The following SAP130 variants were observed in gnomAD, a reference collection of about 807,000 sequenced individuals.
SAP130 encodes Sin3A associated protein 130, also known as histone deacetylase complex subunit SAP130.
SAP130 carries 16 observed loss-of-function variants against 103.2 expected under a neutral mutation model. The observed-to-expected ratio is 0.16, with a 90% CI of 0.10 to 0.24. SAP130 has a LOEUF of 0.24. SAP130 is among the 10% of genes least tolerant of loss of function. SAP130 has a pLI of 1.00. For missense variants in SAP130, 990 were observed against 1,359.7 expected (o/e 0.73, Z 4.28); for synonymous variants, 477 against 497.0 (o/e 0.96, Z 0.53).
intron 14 of SAP130, among the ~76,000 whole-genome samples, chr2:127,978,657 G>C (rs1681645801): frequency 6.6e-6 from 1 of 152,180 alleles, no homozygotes; most frequent in East Asian, 1.9e-4. Context: ...CCAGTTGAGA[G>C]TGGATCTGAG....
At chr2:127,975,724 G>A (rs1681413887) in intron 15 of SAP130, among the ~76,000 whole-genome samples, 1 of 152,188 alleles carries the variant, frequency 6.6e-6, no homozygotes, top group South Asian at 2.1e-4. Context: ...TCAGCTAACT[G>A]CCATCACACA....
rs758860886 is a variant in SAP130, at chr2:127,955,193, C to T, written c.2215G>A (p.Ala739Thr). The change falls in exon 16 of 21, where the codon GCA becomes ACA. Residue 739 changes from alanine (A) to threonine (T), a missense_variant. Transcript: ENST00000643581. This position sits in a 1 kb window ranked among gnomAD's most constrained non-coding sequence, Gnocchi z 4.9. Reference sequence around the variant, plus strand: ...GCTGGTTGTGACGGGGGACTGGCTGCTGCAATCATAGTTGGAATGGTCGGT... The same window carrying T: ...GCTGGTTGTGACGGGGGACTGGCTGTTGCAATCATAGTTGGAATGGTCGGT... Reference protein sequence around the residue: ...PPPTIPTMIAAASPPSQPAVA... With the variant: ...PPPTIPTMIATASPPSQPAVA... The T allele has an allele frequency of 6.2e-6, 10 of 1,613,962 alleles. No homozygotes were observed. The highest frequency in any genetic ancestry group is 5.3e-5 in the African/African-American group (4 of 74,894).
At chr2:127,961,679 G>C (rs1171313526) in intron 15 of SAP130, among the ~76,000 whole-genome samples, 1 of 152,104 alleles carries the variant, frequency 6.6e-6, no homozygotes, top group Non-Finnish European at 1.5e-5. Flanking sequence ...TTTGGAGGCG[G>C]AAGGTGAGCG....
chr2:127,949,062 C>T (rs961321726), intron 18 of SAP130, among the ~76,000 whole-genome samples: 19 of 152,126 alleles, frequency 1.2e-4, no homozygotes, highest in Admixed American at 3.9e-4. Context: ...GAAATGTAGC[C>T]GCCTCTGTAA....
At chr2:127,958,829 T>G (rs1680033055) in intron 15 of SAP130, among the ~76,000 whole-genome samples, 1 of 152,102 alleles carries the variant, frequency 6.6e-6, no homozygotes, top group African/African-American at 2.4e-5. Context: ...TGACTAAGTT[T>G]TGTATTTTTT....
At chr2:127,997,284 A>T (rs747270699) in intron 10 of SAP130, among the ~76,000 whole-genome samples, 1 of 152,202 alleles carries the variant, frequency 6.6e-6, no homozygotes, top group Non-Finnish European at 1.5e-5. Flanking sequence ...TTTTTTATAG[A>T]TCTATCTATT....
chr2:127,974,883 A>G (rs984638068), intron 15 of SAP130, among the ~76,000 whole-genome samples: 1 of 152,192 alleles, frequency 6.6e-6, no homozygotes, highest in Non-Finnish European at 1.5e-5. Flanking sequence ...ACCACTGCCT[A>G]TAGTATTCAG....
At chr2:127,946,629 T>C (rs1272697783) in intron 18 of SAP130, among the ~76,000 whole-genome samples, 3 of 151,984 alleles carry the variant, frequency 2.0e-5, no homozygotes, top group African/African-American at 4.8e-5. Context: ...ACACCTGTAA[T>C]CCCAGCACTT....
intron 2 of SAP130, among the ~76,000 whole-genome samples, chr2:128,025,909 C>T (rs1242328888): frequency 6.6e-6 from 1 of 152,150 alleles, no homozygotes; most frequent in Non-Finnish European, 1.5e-5. Flanking sequence ...TACTCCTGGA[C>T]ATTAATTAAA....
intron 18 of SAP130, among the ~76,000 whole-genome samples, chr2:127,947,878 C>T (rs1166674984): frequency 1.3e-5 from 2 of 152,038 alleles, no homozygotes; most frequent in Admixed American, 1.3e-4. Flanking sequence ...ACCTCCACTT[C>T]CCGGGGATTC....
rs376803309 is a variant in SAP130 at position 127,999,744 on chromosome 2, C to T, written c.1210G>A (p.Val404Ile). Residue 404 changes from valine (V) to isoleucine (I), a missense_variant, in exon 10 of 21, where the codon GTC (valine) becomes ATC (isoleucine). Coordinates refer to ENST00000643581, the MANE Select transcript of SAP130 (RefSeq NM_001330301.2). ...CCGAAGGCAGCAGGCCACTTACCGA[C>T]TGGGATGTTTGAGGTGGTCACAGCA... ...ATAVTTSNIPVAKVVPQQITH... is the reference protein window; with the variant it reads ...ATAVTTSNIPIAKVVPQQITH... 1 of 1,505,282 alleles carries T rather than the reference C, an allele frequency of 6.6e-7. No homozygotes were observed. The highest frequency in any genetic ancestry group is 1.4e-5 in the African/African-American group (1 of 71,602). The allele number at this position is 1,505,282 out of a possible 1,614,324, so 93.2% of individuals were successfully genotyped here. A position where few individuals can be genotyped will look rare whatever the true frequency, so the allele number is the denominator to read the frequency against.
At chr2:127,981,907 G>C (rs1035936701) in intron 14 of SAP130, among the ~76,000 whole-genome samples, 12 of 152,088 alleles carry the variant, frequency 7.9e-5, no homozygotes, top group Non-Finnish European at 1.5e-5. Context: ...TCTGTAAGGG[G>C]GGCTGCCTCC....
chr2:128,020,122 C>T (rs1181762927), intron 2 of SAP130, among the ~76,000 whole-genome samples: 3 of 152,160 alleles, frequency 2.0e-5, no homozygotes, highest in Non-Finnish European at 4.4e-5. Context: ...TGACAGTTCT[C>T]GCTTCTTTTA....
intron 10 of SAP130, 125 bp downstream of exon 10, chr2:127,999,616 G>GAAAA: frequency 5.3e-6 from 2 of 374,566 alleles, no homozygotes; most frequent in Non-Finnish European, 4.5e-6. Context: ...AAAAAGAAAA[G>GAAAA]AAAAAAAAAA....
In SAP130 at chr2:127,991,782, G is replaced by A. The variant is rs116809089; in HGVS notation, c.1477+1405C>T. Among the ~76,000 whole-genome samples, 694 of 152,242 alleles carry A rather than the reference G, an allele frequency of 4.6e-3. 7 individuals are homozygous for A. The highest frequency in any genetic ancestry group is 0.016 in the African/African-American group (652 of 41,534). On this transcript the variant is annotated intron_variant, in intron 12 of 20. Transcript: ENST00000643581. ...TTTCATAAAGCCTACAACTGAAAAA[G>A]TAGTTTTGCATTGCTAAGTTGTTCC...
At chr2:128,000,816 A>G (rs1255168160) in intron 7 of SAP130, among the ~76,000 whole-genome samples, 1 of 152,160 alleles carries the variant, frequency 6.6e-6, no homozygotes, top group East Asian at 1.9e-4. Context: ...GCTGAAGGAT[A>G]GCTTGTGCCC....
Position 127,950,365 on chromosome 2 carries a change from T to C in SAP130, c.2466A>G (p.Ala822=). ...LATNTVSPSL[A]LLANNLSMPT... ...GCATGGACAAGTTGTTTGCCAGCAA[T>C]GCAAGAGATGGAGACACAGTGTTGG... Residue 822 remains alanine, a synonymous_variant, in exon 17 of 21, where the codon GCA becomes GCG. Coordinates refer to ENST00000643581, the MANE Select transcript of SAP130 (RefSeq NM_001330301.2). 7 of 1,614,204 alleles carry C rather than the reference T, an allele frequency of 4.3e-6. No homozygotes were observed. Among genetic ancestry groups the C allele is most frequent in the East Asian group, 2.2e-5 (1 of 44,886 alleles).
At chr2:127,987,360 T>A (rs574583839) in intron 13 of SAP130, among the ~76,000 whole-genome samples, 1 of 152,044 alleles carries the variant, frequency 6.6e-6, no homozygotes. Context: ...AATTTTTGTA[T>A]TTTTTAGTAG....
intron 3 of SAP130, among the ~76,000 whole-genome samples, chr2:128,017,174 T>C (rs1684841923): frequency 6.6e-6 from 1 of 151,958 alleles, no homozygotes; most frequent in East Asian, 1.9e-4. Flanking sequence ...ATACAAAAAT[T>C]AGCCAGGCGT....
Sources: gnomAD v4.1 joint callset for allele counts (sites outside exome capture counted in the v4.1 genomes callset) on GRCh38, gnomAD v4.1.1 for gene constraint, Gnocchi (gnomAD v3.1) non-coding constraint, MANE v1.5 for transcripts, NCBI Gene and HGNC (gene_info 2026-07-23, HGNC 2026-07-21) for gene names.